The following RPN1 variants were observed in gnomAD, a reference collection of about 807,000 sequenced individuals.
The protein encoded by RPN1 is dolichyl-diphosphooligosaccharide--protein glycosyltransferase subunit 1.
In RPN1, 12 loss-of-function variants were observed where a neutral mutation model predicts 55.5. That is an observed-to-expected ratio of 0.22 (90% CI 0.14 to 0.35). The LOEUF (loss-of-function observed/expected upper bound fraction) is 0.35, where lower values mean the gene tolerates loss of function less well. Among genes scored for constraint, RPN1 ranks in the 10% least tolerant of loss-of-function variants. The probability of loss-of-function intolerance (pLI) is 1.00; values close to 1 mark genes in which losing one functional copy is unlikely to be tolerated. For synonymous variants in RPN1, 317 were observed against 305.9 expected, an observed-to-expected ratio of 1.04 and a Z score of -0.38; for missense variants, 679 against 761.3, an observed-to-expected ratio of 0.89 and a Z score of 1.27.
chr3:128,640,901 A>C (rs1432964622), intron 2 of RPN1: 1 of 152,198 alleles, frequency 6.6e-6, no homozygotes, highest in African/African-American at 2.4e-5. Flanking sequence ...CATTCATTTT[A>C]CAAGTTGTTA....
At chr3:128,632,190 TG>T (rs2069647473) in intron 3 of RPN1, 33 bp from the exon 4 acceptor site, 1 of 1,606,640 alleles carries the variant, frequency 6.2e-7, no homozygotes, top group African/African-American at 1.3e-5. Flanking sequence ...TTCAAAGTTT[TG>T]GCAACAGAGA....
intron 7 of RPN1, 62 bp from the exon 8 acceptor site, chr3:128,625,715 C>A: frequency 6.2e-7 from 1 of 1,607,412 alleles, no homozygotes; most frequent in Non-Finnish European, 8.5e-7. Flanking sequence ...CTAGACTCAC[C>A]CAGGCTGGCC....
chr3:128,648,906 G>A (rs907255574), intron 1 of RPN1, among the ~76,000 whole-genome samples: 1 of 152,212 alleles, frequency 6.6e-6, no homozygotes, highest in Non-Finnish European at 1.5e-5. Flanking sequence ...CTGTAAGACC[G>A]CATGTAAGGG....
intron 5 of RPN1, 100 bp from the exon 6 acceptor site, chr3:128,626,932 C>G (rs2069603701): frequency 9.3e-7 from 1 of 1,078,744 alleles, no homozygotes; most frequent in Non-Finnish European, 1.4e-6. Context: ...AGCAAGTAGA[C>G]AGCAAAACCA....
At position 128,644,905 on chromosome 3, in the gene RPN1, GT is replaced by G. The variant is rs749753803; in HGVS notation, c.326+13del. ...CCTTTAACAAGAGACAAGGTATATT[GT>G]TTGTCAGCTTACCTTTTACCCTTAA... On this transcript the variant is annotated intron_variant, in intron 2 of 9. Coordinates refer to ENST00000296255, the MANE Select transcript of RPN1 (RefSeq NM_002950.4). 5 of 1,420,888 alleles carry G rather than the reference GT, an allele frequency of 3.5e-6. No individual in the cohort carries two copies. The highest frequency in any genetic ancestry group is 5.0e-6 in the Non-Finnish European group (5 of 1,003,962). The allele number at this position is 1,420,888 out of a possible 1,614,324, so 88.0% of individuals were successfully genotyped here.
chr3:128,639,033 A>G (rs1416034772), intron 2 of RPN1, among the ~76,000 whole-genome samples: 2 of 152,210 alleles, frequency 1.3e-5, no homozygotes, highest in Non-Finnish European at 2.9e-5. Context: ...GGCTTCACAC[A>G]ATAGAATATT....
intron 8 of RPN1, among the ~76,000 whole-genome samples, chr3:128,624,014 C>G (rs2069580221): frequency 6.6e-6 from 1 of 151,178 alleles, no homozygotes; most frequent in African/African-American, 2.4e-5. Flanking sequence ...CGCACACACA[C>G]ACACACACAG....
At position 128,644,920 on chromosome 3, in the gene RPN1, TTTTACCC is replaced by T; in HGVS notation, c.318_324del (p.Gly107ValfsTer67). On this transcript the variant is annotated frameshift_variant and splice_region_variant, in exon 2 of 10. Coordinates refer to ENST00000296255, the MANE Select transcript of RPN1 (RefSeq NM_002950.4). LOFTEE classifies it high-confidence loss of function. ...AAGGTATATTGTTTGTCAGCTTACC[TTTTACCC>T]TTAATTTTGGTTTCACGTACTTCCA... 6.6e-7 allele frequency: 1 copy of T among 1,519,580 alleles called. No homozygotes were observed. The highest frequency in any genetic ancestry group is 9.1e-7 in the Non-Finnish European group (1 of 1,093,846). 94.1% of individuals were successfully genotyped at this position (1,519,580 alleles called of 1,614,324 possible).
chr3:128,627,629 G>A (rs558447648), intron 5 of RPN1, among the ~76,000 whole-genome samples: 1 of 151,886 alleles, frequency 6.6e-6, no homozygotes, highest in South Asian at 2.1e-4. Context: ...AAATTAGTCA[G>A]GTGTGGTGGC....
intron 1 of RPN1, among the ~76,000 whole-genome samples, chr3:128,649,928 A>G (rs1258534069): frequency 1.3e-5 from 2 of 152,262 alleles, no homozygotes; most frequent in Non-Finnish European, 2.9e-5. Context: ...CATCACATTC[A>G]TAGGGATTTC....
intron 3 of RPN1, among the ~76,000 whole-genome samples, chr3:128,634,720 G>C (rs1423879342): frequency 1.3e-5 from 2 of 151,956 alleles, no homozygotes; most frequent in East Asian, 3.9e-4. Context: ...ACGCCAGCAT[G>C]CTCAGCTAAT....
intron 3 of RPN1, among the ~76,000 whole-genome samples, chr3:128,635,410 C>T (rs1332566729): frequency 1.3e-5 from 2 of 151,390 alleles, no homozygotes; most frequent in African/African-American, 4.9e-5. Context: ...AAGCAGTTCT[C>T]GTACCTCAAC....
chr3:128,644,969 A>G lies in RPN1; in HGVS notation c.276T>C (p.Asp92=). The stretch of plus-strand genomic sequence containing the variant: ...GTACTTCCAAATTGTTCTCTTCCTC[A>G]TCTTCTCCCTTTACCTACAACAGAA... ...AHLGVQVKGE[D]EEENNLEVRE... The change falls in exon 2 of 10, where the codon GAT becomes GAC. Residue 92 remains aspartate, a synonymous_variant. Coordinates refer to ENST00000296255, the MANE Select transcript of RPN1 (RefSeq NM_002950.4). 6.4e-7 allele frequency: 1 copy of G among 1,573,734 alleles called. No homozygotes were observed. Among genetic ancestry groups the G allele is most frequent in the African/African-American group, 1.3e-5 (1 of 74,242 alleles).
chr3:128,639,878 C>G (rs949994720), intron 2 of RPN1, among the ~76,000 whole-genome samples: 1 of 152,132 alleles, frequency 6.6e-6, no homozygotes, highest in African/African-American at 2.4e-5. Flanking sequence ...TGAGCCACTG[C>G]GCCAGGCCCT....
chr3:128,646,333 C>G (rs2069768241), intron 1 of RPN1, among the ~76,000 whole-genome samples: 1 of 151,800 alleles, frequency 6.6e-6, no homozygotes. Flanking sequence ...GATCCTCCCA[C>G]AGATTACAGG....
chr3:128,638,415 A>G (rs756111718), intron 2 of RPN1, among the ~76,000 whole-genome samples: 6 of 152,178 alleles, frequency 3.9e-5, no homozygotes, highest in Non-Finnish European at 8.8e-5. Flanking sequence ...ACACTGTTTT[A>G]CACTCTTGCT....
chr3:128,621,311 G>T (rs1298844221), intron 9 of RPN1, among the ~76,000 whole-genome samples: 1 of 152,198 alleles, frequency 6.6e-6, no homozygotes, highest in Non-Finnish European at 1.5e-5. Flanking sequence ...AGGAGTTCAA[G>T]ACCAGCCTGG....
intron 2 of RPN1, among the ~76,000 whole-genome samples, chr3:128,640,248 T>C (rs1156256275): frequency 6.6e-6 from 1 of 152,074 alleles, no homozygotes; most frequent in African/African-American, 2.4e-5. Context: ...CTGAATCAGT[T>C]TTCCAAGCCA....
chr3:128,634,508 T>C (rs1028157743), intron 3 of RPN1, among the ~76,000 whole-genome samples: 7 of 151,838 alleles, frequency 4.6e-5, no homozygotes, highest in African/African-American at 1.7e-4. Context: ...ATAGTGTCGA[T>C]AGTGGTTGTG....
Sources: allele counts gnomAD v4.1 joint callset (sites outside exome capture counted in the v4.1 genomes callset), GRCh38; gene constraint gnomAD v4.1.1; transcripts MANE v1.5; gene names NCBI Gene and HGNC (gene_info 2026-07-23, HGNC 2026-07-21).